The following DAB1 variants were observed in gnomAD, a reference collection of about 807,000 sequenced individuals.
DAB1 encodes DAB adaptor protein 1.
Under a neutral mutation model 64.6 loss-of-function variants are expected in DAB1, and 15 were observed. That is an observed-to-expected ratio of 0.23 (90% CI 0.16 to 0.36). The LOEUF (loss-of-function observed/expected upper bound fraction) is 0.36, where lower values mean the gene tolerates loss of function less well. Ranked by LOEUF, DAB1 falls within the 10% of genes least tolerant of loss-of-function variation. The pLI, the probability that DAB1 is intolerant of heterozygous loss-of-function variation, is 1.00. For missense variants in DAB1, 596 were observed against 706.7 expected (o/e 0.84, Z 1.78); for synonymous variants, 235 against 251.9 (o/e 0.93, Z 0.64).
chr1:57,192,466 G>A (rs969161147), intron 2 of DAB1, among the ~76,000 whole-genome samples: 4 of 152,206 alleles, frequency 2.6e-5, no homozygotes, highest in African/African-American at 9.7e-5. Flanking sequence ...ATCCATGAAA[G>A]TGGATTAATT....
At chr1:58,282,852 C>T (rs1569599456) in intron 4 of DAB1, among the ~76,000 whole-genome samples, 1 of 152,234 alleles carries the variant, frequency 6.6e-6, no homozygotes, top group East Asian at 1.9e-4. Context: ...TCGGCAGCCG[C>T]TTCTGAAGCT....
chr1:57,484,353 T>C (rs1276552142), intron 7 of DAB1, among the ~76,000 whole-genome samples: 1 of 152,168 alleles, frequency 6.6e-6, no homozygotes, highest in African/African-American at 2.4e-5. Flanking sequence ...CTGTTGTAAA[T>C]ACCCCTCAGG....
chr1:57,244,779 A>G (rs1668740970), intron 2 of DAB1, among the ~76,000 whole-genome samples: 1 of 152,228 alleles, frequency 6.6e-6, no homozygotes. Flanking sequence ...TCATAAAATT[A>G]TCTGGAGGAA....
At chr1:58,106,266 T>C (rs1651633697) in intron 5 of DAB1, among the ~76,000 whole-genome samples, 1 of 151,638 alleles carries the variant, frequency 6.6e-6, no homozygotes, top group Admixed American at 6.6e-5. Flanking sequence ...CAGACTCAAG[T>C]TCCTGGATTC....
chr1:58,052,745 T>C (rs1647767920), intron 5 of DAB1, among the ~76,000 whole-genome samples: 2 of 152,228 alleles, frequency 1.3e-5, no homozygotes, highest in African/African-American at 4.8e-5. Context: ...GTAGTTCTCC[T>C]TGAAGAGGTC....
At chr1:57,239,604 T>C (rs1486408910) in intron 2 of DAB1, among the ~76,000 whole-genome samples, 3 of 152,190 alleles carry the variant, frequency 2.0e-5, no homozygotes, top group African/African-American at 7.2e-5. Flanking sequence ...TCTCCATCTG[T>C]CCTCAAAACA....
intron 7 of DAB1, among the ~76,000 whole-genome samples, chr1:57,460,061 G>A (rs1301091273): frequency 6.6e-6 from 1 of 152,160 alleles, no homozygotes; most frequent in African/African-American, 2.4e-5. Flanking sequence ...GGGCACTTTT[G>A]TAAGGATTAG....
rs376202648 is a variant in DAB1, at chr1:58,412,292, C to G, written n.258-68889G>C. On this transcript the variant is annotated intron_variant and non_coding_transcript_variant, in intron 3 of 20. Coordinates refer to the DAB1 transcript ENST00000485760. ...GAGGCAAGATAATCTCACCTGAGCT[C>G]CTGGATGGAGGCCTGCCAAGAACAG... Among the ~76,000 whole-genome samples the G allele has an allele frequency of 5.6e-4, 85 of 150,740 alleles. No individual in the cohort carries two copies. The South Asian group carries it at 0.017, about 30-fold the overall frequency.
At chr1:58,453,183 C>T (rs562365379) in intron 3 of DAB1, among the ~76,000 whole-genome samples, 7 of 151,972 alleles carry the variant, frequency 4.6e-5, no homozygotes, top group Non-Finnish European at 7.4e-5. Flanking sequence ...AAAGGTAAAA[C>T]ACTAGTGAGA....
intron 1 of DAB1, among the ~76,000 whole-genome samples, chr1:57,306,182 A>G (rs12564258): frequency 0.16 from 24,789 of 152,006 alleles, 3,452 homozygotes; most frequent in African/African-American, 0.39. Context: ...CTCCTATGGT[A>G]AATCCAGATC....
At chr1:58,056,783 G>T (rs1254909507) in intron 5 of DAB1, among the ~76,000 whole-genome samples, 2 of 151,352 alleles carry the variant, frequency 1.3e-5, no homozygotes, top group African/African-American at 4.8e-5. Context: ...TATTCACTCC[G>T]TTGGCTTCCT....
chr1:57,839,924 G>C (rs1208130977), intron 1 of DAB1, among the ~76,000 whole-genome samples: 1 of 152,166 alleles, frequency 6.6e-6, no homozygotes, highest in Non-Finnish European at 1.5e-5. Context: ...CTTGGAAAAA[G>C]TCAGTGTCAC....
chr1:58,319,859 T>A (rs181046021), intron 4 of DAB1, among the ~76,000 whole-genome samples: 13 of 152,322 alleles, frequency 8.5e-5, no homozygotes, highest in Admixed American at 4.6e-4. Flanking sequence ...CTCTAATATT[T>A]CATTTTTCTT....
chr1:58,282,713 C>A (rs1661591300), intron 4 of DAB1, among the ~76,000 whole-genome samples: 1 of 152,056 alleles, frequency 6.6e-6, no homozygotes, highest in Admixed American at 6.5e-5. Context: ...CCACTCTGCC[C>A]ACTGGAAAGA....
chr1:57,173,509 T>C (rs1389833589), intron 2 of DAB1, among the ~76,000 whole-genome samples: 1 of 152,214 alleles, frequency 6.6e-6, no homozygotes, highest in Admixed American at 6.5e-5. Flanking sequence ...AAATATCTCC[T>C]ATGTATATGC....
chr1:57,674,958 G>A (rs1324296430), intron 6 of DAB1, among the ~76,000 whole-genome samples: 1 of 152,166 alleles, frequency 6.6e-6, no homozygotes, highest in African/African-American at 2.4e-5. Context: ...AGCCCTGTTA[G>A]TAGCTCTGAC....
chr1:57,428,285 G>A (rs1213696281), upstream of DAB1, among the ~76,000 whole-genome samples: 1 of 152,106 alleles, frequency 6.6e-6, no homozygotes, highest in Non-Finnish European at 1.5e-5. Flanking sequence ...ATAACTGAAG[G>A]TTTTTACCCT....
chr1:57,519,881 T>G (rs967867203), intron 7 of DAB1, among the ~76,000 whole-genome samples: 1 of 152,256 alleles, frequency 6.6e-6, no homozygotes, highest in African/African-American at 2.4e-5. Flanking sequence ...ATGCTCATTA[T>G]AGAAAACTGA....
At chr1:57,670,458 T>A (rs2101682953) in intron 6 of DAB1, among the ~76,000 whole-genome samples, 1 of 152,276 alleles carries the variant, frequency 6.6e-6, no homozygotes, top group Non-Finnish European at 1.5e-5. Context: ...AAGCTACTGT[T>A]GTTTGATGTC....
Sources: allele counts gnomAD v4.1 joint callset (sites outside exome capture counted in the v4.1 genomes callset), GRCh38; gene constraint gnomAD v4.1.1; transcripts MANE v1.5; gene names NCBI Gene and HGNC (gene_info 2026-07-23, HGNC 2026-07-21).